AKAP13: variants seen among roughly 807,000 people sequenced by gnomAD.
AKAP13 encodes A-kinase anchor protein 13.
A neutral mutation model predicts 264.5 loss-of-function variants in AKAP13; 80 were observed. The ratio of observed to expected loss-of-function variants is 0.30; its 90% CI spans 0.25 to 0.36. AKAP13 has a LOEUF of 0.36. AKAP13 is among the 10% of genes least tolerant of loss of function. The pLI, the probability that AKAP13 is intolerant of heterozygous loss-of-function variation, is 1.00. For missense variants in AKAP13, 3,712 were observed against 3,435.2 expected (o/e 1.08, Z -2.01); for synonymous variants, 1,380 against 1,250.2 (o/e 1.10, Z -2.19).
intron 16 of AKAP13, chr15:85,693,017 T>C (rs1001583626): frequency 4.7e-5 from 19 of 406,808 alleles, no homozygotes; most frequent in Middle Eastern, 6.7e-4. Flanking sequence ...ATTGTGTCTG[T>C]TGGTAGAAGT....
chr15:85,496,332 T>A (rs148329798), intron 2 of AKAP13, among the ~76,000 whole-genome samples: 1 of 152,158 alleles, frequency 6.6e-6, no homozygotes, highest in African/African-American at 2.4e-5. Context: ...CAGACTTACA[T>A]TTTCAGCCTC....
At chr15:85,667,447 G>A (rs2467096) in intron 13 of AKAP13, among the ~76,000 whole-genome samples, 63,881 of 151,964 alleles carry the variant, frequency 0.42, 14,325 homozygotes, top group East Asian at 0.58. Flanking sequence ...TGGTAACAGA[G>A]AAAGGAAGAA....
chr15:85,577,517 T>G (rs549206946), intron 6 of AKAP13, among the ~76,000 whole-genome samples: 23 of 152,320 alleles, frequency 1.5e-4, no homozygotes, highest in Admixed American at 1.4e-3. Context: ...GATTAATAAT[T>G]TTTTTCTAAT....
chr15:85,463,482 T>A (rs760377294), intron 1 of AKAP13, among the ~76,000 whole-genome samples: 5 of 152,244 alleles, frequency 3.3e-5, no homozygotes. Flanking sequence ...CACACTGTTA[T>A]GAGATCACTA....
At position 85,655,563 on chromosome 15, in the gene AKAP13, C is replaced by G. The variant is rs1329829829; in HGVS notation, c.4521C>G (p.Ser1507Arg). 3.7e-6 allele frequency: 6 copies of G among 1,614,046 alleles called. No homozygotes were observed. The highest frequency in any genetic ancestry group is 2.2e-5 in the East Asian group (1 of 44,892). ...CAAACAGGTCAAGAGATCGGCAAAGCCTTGATGGATTCTACAGCCATGGGA... is the reference window on the plus strand; with the variant it reads ...CAAACAGGTCAAGAGATCGGCAAAGGCTTGATGGATTCTACAGCCATGGGA... Reference protein sequence around the residue: ...LKPNRSRDRQSLDGFYSHGMG... With the variant: ...LKPNRSRDRQRLDGFYSHGMG... The change falls in exon 11 of 37, where the codon AGC becomes AGG. Residue 1507 changes from serine (S) to arginine (R), a missense_variant. Physicochemically the swap from Ser to Arg is moderately radical, Grantham distance 110 (BLOSUM62 -1). Around this residue, in one of 3 missense-constraint regions of AKAP13, gnomAD observed 2,759 missense variants for 2,411.7 expected, o/e 1.14. Transcript: ENST00000394518.
intron 1 of AKAP13, among the ~76,000 whole-genome samples, chr15:85,399,518 A>ATAAT (rs1304841583): frequency 6.3e-5 from 8 of 126,956 alleles, no homozygotes; most frequent in African/African-American, 2.2e-4. Flanking sequence ...AAAAAAAAAA[A>ATAAT]AAAATAAAAA....
At chr15:85,475,515 C>T (rs7161880) in intron 1 of AKAP13, among the ~76,000 whole-genome samples, 76,949 of 151,990 alleles carry the variant, frequency 0.51, 20,041 homozygotes, top group Middle Eastern at 0.61. Flanking sequence ...TTCCTCTTTC[C>T]AGAGGTACCA....
chr15:85,623,243 T>G (rs1288489847), intron 8 of AKAP13, among the ~76,000 whole-genome samples: 1 of 152,254 alleles, frequency 6.6e-6, no homozygotes, highest in Non-Finnish European at 1.5e-5. Context: ...TAATATTATC[T>G]AAACACTCAA....
chr15:85,613,127 T>C (rs2151395550), intron 8 of AKAP13, among the ~76,000 whole-genome samples: 1 of 152,210 alleles, frequency 6.6e-6, no homozygotes, highest in East Asian at 1.9e-4. Flanking sequence ...CTTATAGTTT[T>C]ATCAAATACA....
intron 2 of AKAP13, among the ~76,000 whole-genome samples, chr15:85,494,541 C>G (rs573590648): frequency 6.6e-6 from 1 of 152,308 alleles, no homozygotes; most frequent in African/African-American, 2.4e-5. Flanking sequence ...ATGTCCCACA[C>G]TCAGTTCTAC....
At chr15:85,525,304 T>C (rs1307289228) in intron 3 of AKAP13, among the ~76,000 whole-genome samples, 1 of 152,058 alleles carries the variant, frequency 6.6e-6, no homozygotes, top group African/African-American at 2.4e-5. Context: ...GTGATCCACC[T>C]GCCTTGGCCT....
chr15:85,656,761 T>C (rs2083116854), intron 11 of AKAP13, among the ~76,000 whole-genome samples: 1 of 152,248 alleles, frequency 6.6e-6, no homozygotes, highest in African/African-American at 2.4e-5. Context: ...ATTTGACTTC[T>C]GACTGCTGGC....
intron 1 of AKAP13, among the ~76,000 whole-genome samples, chr15:85,450,040 C>T (rs1307641388): frequency 6.6e-6 from 1 of 152,050 alleles, no homozygotes; most frequent in Non-Finnish European, 1.5e-5. Flanking sequence ...GTGAATCCAT[C>T]AGGTCCTAGG....
intron 1 of AKAP13, among the ~76,000 whole-genome samples, chr15:85,405,867 G>A (rs2071637310): frequency 6.6e-6 from 1 of 151,516 alleles, no homozygotes; most frequent in Non-Finnish European, 1.5e-5. Flanking sequence ...TTTTTTTTGA[G>A]ACAGAGTCTT....
intron 34 of AKAP13, among the ~76,000 whole-genome samples, chr15:85,740,781 C>T (rs977145917): frequency 1.6e-5 from 2 of 125,422 alleles, no homozygotes; most frequent in Non-Finnish European, 3.4e-5. Context: ...AACCACCCCC[C>T]CCCCCACCCC....
intron 17 of AKAP13, among the ~76,000 whole-genome samples, chr15:85,707,036 A>G (rs1358130438): frequency 6.6e-6 from 1 of 152,162 alleles, no homozygotes; most frequent in African/African-American, 2.4e-5. Context: ...GTTGATGTAG[A>G]CAGGACCTGT....
intron 5 of AKAP13, among the ~76,000 whole-genome samples, chr15:85,555,143 C>A (rs537989891): frequency 6.6e-6 from 1 of 152,098 alleles, no homozygotes; most frequent in African/African-American, 2.4e-5. Context: ...GCAGCGAGTT[C>A]CCTACGGATA....
At chr15:85,452,219 GTTTTTTT>G (rs36006368) in intron 1 of AKAP13, among the ~76,000 whole-genome samples, 1 of 140,758 alleles carries the variant, frequency 7.1e-6, no homozygotes, top group African/African-American at 2.6e-5. Context: ...ATCCCTTAGG[GTTTTTTT>G]TTTTTTTTAA....
At chr15:85,448,415 G>A (rs942222222) in intron 1 of AKAP13, among the ~76,000 whole-genome samples, 1 of 151,964 alleles carries the variant, frequency 6.6e-6, no homozygotes, top group Non-Finnish European at 1.5e-5. Context: ...ATTGCTTTTG[G>A]TGTCTTTGTC....
Sources: gnomAD v4.1 joint callset for allele counts (sites outside exome capture counted in the v4.1 genomes callset) on GRCh38, gnomAD v4.1.1 for gene constraint, gnomAD v4.1.1 regional missense constraint, MANE v1.5 for transcripts, NCBI Gene and HGNC (gene_info 2026-07-23, HGNC 2026-07-21) for gene names.